Variants in VCPIP1 observed in about 807,000 individuals in gnomAD.
VCPIP1 encodes the protein deubiquitinating protein VCPIP1.
Under a neutral mutation model 85.0 loss-of-function variants are expected in VCPIP1, and 8 were observed. That is an observed-to-expected ratio of 0.09 (90% CI 0.06 to 0.17). VCPIP1 has a LOEUF of 0.17. VCPIP1 is among the 10% of genes least tolerant of loss of function. The probability of loss-of-function intolerance (pLI) is 1.00; values close to 1 mark genes in which losing one functional copy is unlikely to be tolerated. For missense variants in VCPIP1, 1,070 were observed against 1,486.3 expected, an observed-to-expected ratio of 0.72 and a Z score of 4.61; for synonymous variants, 543 against 544.5, an observed-to-expected ratio of 1.00 and a Z score of 0.04.
chr8:66,631,372 T>C lies in VCPIP1; in HGVS notation c.*3129A>G, dbSNP rs900924591. 2 of 154,240 alleles carry C rather than the reference T, an allele frequency of 1.3e-5. No individual in the cohort carries two copies. The highest frequency in any genetic ancestry group is 1.9e-4 in the East Asian group (1 of 5,200). The allele number at this position is 154,240 out of a possible 1,614,324, so 9.6% of individuals were successfully genotyped here. A position where few individuals can be genotyped will look rare whatever the true frequency, so the allele number is the denominator to read the frequency against. On this transcript the variant is annotated 3_prime_UTR_variant, in exon 3 of 3. Coordinates refer to ENST00000310421, the MANE Select transcript of VCPIP1 (RefSeq NM_025054.5). Reference sequence around the variant, plus strand: ...ATTTAGAGAGTTATTCAGTAGCAGATAGTATTGGTAGGTAACTACATAAAA... The same window carrying C: ...ATTTAGAGAGTTATTCAGTAGCAGACAGTATTGGTAGGTAACTACATAAAA...
intron 2 of VCPIP1, among the ~76,000 whole-genome samples, chr8:66,636,892 A>G (rs1170346908): frequency 6.6e-6 from 1 of 152,078 alleles, no homozygotes; most frequent in Non-Finnish European, 1.5e-5. Context: ...GTGATGCCTG[A>G]TATATACAGT....
chr8:66,650,573 T>C (rs1219187620), intron 2 of VCPIP1, among the ~76,000 whole-genome samples: 3 of 152,106 alleles, frequency 2.0e-5, no homozygotes, highest in African/African-American at 7.2e-5. Context: ...GTATGCACAA[T>C]GTGAAAGAAG....
Position 66,666,664 on chromosome 8 carries a change from G to C in VCPIP1, c.295C>G (p.Leu99Val). The C allele has an allele frequency of 6.2e-7, 1 of 1,614,210 alleles. No individual in the cohort carries two copies. Among genetic ancestry groups the C allele is most frequent in the Non-Finnish European group, 8.5e-7 (1 of 1,180,042 alleles). The change falls in exon 1 of 3, where the codon CTG becomes GTG. Residue 99 changes from leucine to valine, a missense_variant. By Grantham distance (32) the Leu-to-Val change is conservative. Coordinates refer to ENST00000310421, the MANE Select transcript of VCPIP1 (RefSeq NM_025054.5). This position sits in a 1 kb window ranked among gnomAD's most constrained non-coding sequence, Gnocchi z 6.3. The stretch of plus-strand genomic sequence containing the variant: ...GTAACCCCGAGCAGCGCGTTCCGCA[G>C]CAGGTTGTGTAGCACTACGTCCGGG... ...TDPDVVLHNL[L>V]RNALLGVTGA...
At chr8:66,659,722 G>A (rs1447309531) in intron 1 of VCPIP1, among the ~76,000 whole-genome samples, 1 of 152,066 alleles carries the variant, frequency 6.6e-6, no homozygotes, top group African/African-American at 2.4e-5. Context: ...TCTGAGCTCA[G>A]GAGTTCGAGA....
rs1410369014 is a variant in VCPIP1, at chr8:66,632,457, AGTT to A, written c.*2041_*2043del. ...TTGCTGTAGCTAGAGAAATTAATAAAGTTGTCAGAGATTAAGTCCATCTTCTAA... is the reference window on the plus strand; with the variant it reads ...TTGCTGTAGCTAGAGAAATTAATAAAGTCAGAGATTAAGTCCATCTTCTAA... On this transcript the variant is annotated 3_prime_UTR_variant, in exon 3 of 3. Transcript: ENST00000310421. 1 of 152,160 alleles carries A rather than the reference AGTT, an allele frequency of 6.6e-6. No individual in the cohort carries two copies. Among genetic ancestry groups the A allele is most frequent in the East Asian group, 1.9e-4 (1 of 5,206 alleles). The allele number at this position is 152,160 out of a possible 1,614,324, so 9.4% of individuals were successfully genotyped here.
At chr8:66,648,196 G>A (rs1381446766) in intron 2 of VCPIP1, among the ~76,000 whole-genome samples, 5 of 152,124 alleles carry the variant, frequency 3.3e-5, no homozygotes, top group Admixed American at 6.6e-5. Flanking sequence ...TTTAAAAAAC[G>A]AAGGAATAAA....
At chr8:66,643,248 G>A (rs1310361815) in intron 2 of VCPIP1, among the ~76,000 whole-genome samples, 8 of 151,914 alleles carry the variant, frequency 5.3e-5, no homozygotes, top group African/African-American at 9.7e-5. Context: ...ACGTCAACTC[G>A]GGAGGTGGAG....
In VCPIP1 at chr8:66,652,010, C is replaced by CAA. The variant is rs113576250; in HGVS notation, c.2711-468_2711-467dup. 1.9e-3 allele frequency among the ~76,000 whole-genome samples: 140 copies of CAA among 73,516 alleles called. 2 individuals carry two copies. The highest frequency in any genetic ancestry group is 5.6e-3 in the African/African-American group (130 of 23,212). The allele number at this position is 73,516 out of a possible 152,430, so 48.2% of individuals were successfully genotyped here. A position where few individuals can be genotyped will look rare whatever the true frequency, so the allele number is the denominator to read the frequency against. ...GCAACATGGCGAAACTCTATCTCTA[C>CAA]AAAAAAAAAAAAAAAAAATAGCTGG... On this transcript the variant is annotated intron_variant, in intron 1 of 2. Transcript: ENST00000310421.
At chr8:66,662,742 C>T (rs539935468) in intron 1 of VCPIP1, among the ~76,000 whole-genome samples, 12 of 150,820 alleles carry the variant, frequency 8.0e-5, no homozygotes, top group East Asian at 2.0e-4. Context: ...AGTGCCGTGG[C>T]GCGATCTAGG....
chr8:66,644,868 C>T lies in VCPIP1; in HGVS notation c.2797+6590G>A, dbSNP rs372046274. Among the ~76,000 whole-genome samples the T allele has an allele frequency of 2.2e-4, 33 of 151,852 alleles. 1 individual carries two copies. In the South Asian group the frequency reaches 6.7e-3, roughly 31 times the overall value. ...ATCCTAGCACTTTGGGAGGCTGAGG[C>T]GGGCGGATTACTTTGAGCTCAGGAG... On this transcript the variant is annotated intron_variant, in intron 2 of 2. Coordinates refer to ENST00000310421, the MANE Select transcript of VCPIP1 (RefSeq NM_025054.5).
intron 2 of VCPIP1, among the ~76,000 whole-genome samples, chr8:66,640,703 A>G (rs556396035): frequency 9.9e-5 from 9 of 91,052 alleles, no homozygotes; most frequent in African/African-American, 8.1e-4. Context: ...CTTCAAAGGG[A>G]TGGCTTGACG....
intron 2 of VCPIP1, among the ~76,000 whole-genome samples, chr8:66,647,014 G>T (rs1486109290): frequency 1.3e-5 from 2 of 151,966 alleles, no homozygotes; most frequent in East Asian, 3.9e-4. Flanking sequence ...AACAGAGCAA[G>T]ACTCTGTCTC....
At chr8:66,641,429 A>G (rs973176711) in intron 2 of VCPIP1, among the ~76,000 whole-genome samples, 3 of 152,010 alleles carry the variant, frequency 2.0e-5, no homozygotes, top group Non-Finnish European at 2.9e-5. Flanking sequence ...GCAGTGTGGT[A>G]GTGCAATCAT....
chr8:66,648,445 T>G (rs890517622), intron 2 of VCPIP1, among the ~76,000 whole-genome samples: 3 of 152,166 alleles, frequency 2.0e-5, no homozygotes, highest in Non-Finnish European at 2.9e-5. Context: ...ATCTAATCTA[T>G]CTAATCTATC....
chr8:66,638,181 T>G (rs1435146923), intron 2 of VCPIP1, among the ~76,000 whole-genome samples: 2 of 151,954 alleles, frequency 1.3e-5, no homozygotes, highest in Non-Finnish European at 2.9e-5. Flanking sequence ...CAGATGTATC[T>G]GAAAAAGTGT....
rs377192740 is a variant in VCPIP1, at chr8:66,666,859, C to T, written c.100G>A (p.Gly34Arg). The T allele has an allele frequency of 9.9e-6, 16 of 1,613,120 alleles. No individual in the cohort carries two copies. The highest frequency in any genetic ancestry group is 1.3e-5 in the Non-Finnish European group (15 of 1,179,908). The change falls in exon 1 of 3, where the codon GGG becomes AGG. Residue 34 changes from glycine (G) to arginine (R), a missense_variant. Coordinates refer to ENST00000310421, the MANE Select transcript of VCPIP1 (RefSeq NM_025054.5). This position sits in a 1 kb window ranked among gnomAD's most constrained non-coding sequence, Gnocchi z 6.3. Reference sequence around the variant, plus strand: ...CGGTCTCTCCGCTTCAAAAGCCCCCCCGAAGCAGCCGCCGACGCCAAGGAC... The same window carrying T: ...CGGTCTCTCCGCTTCAAAAGCCCCCTCGAAGCAGCCGCCGACGCCAAGGAC... ...PSSLASAAAS[G>R]GLLKRRDRRI...
intron 2 of VCPIP1, among the ~76,000 whole-genome samples, chr8:66,641,266 A>C (rs1810945085): frequency 6.6e-6 from 1 of 152,246 alleles, no homozygotes; most frequent in South Asian, 2.1e-4. Context: ...CTTAATGATA[A>C]ATACCACATG....
chr8:66,652,475 G>C (rs899114704), intron 1 of VCPIP1, among the ~76,000 whole-genome samples: 1 of 152,042 alleles, frequency 6.6e-6, no homozygotes, highest in East Asian at 1.9e-4. Flanking sequence ...TTAGCTGAAC[G>C]TGGTGGCGTG....
rs1388015728 is a variant in VCPIP1 at position 66,633,397 on chromosome 8, T to C, written c.*1104A>G. The C allele has an allele frequency of 6.6e-6, 1 of 152,446 alleles. No homozygotes were observed. The highest frequency in any genetic ancestry group is 2.4e-5 in the African/African-American group (1 of 41,418). 9.4% of individuals were successfully genotyped at this position (152,446 alleles called of 1,614,324 possible). A position where few individuals can be genotyped will look rare whatever the true frequency, so the allele number is the denominator to read the frequency against. ...GCAATACCAATCTCAGGATAAACAC[T>C]CTTCTGTTGTTTTTAAGGAATAAGC... On this transcript the variant is annotated 3_prime_UTR_variant, in exon 3 of 3. Transcript: ENST00000310421.
Sources: allele counts gnomAD v4.1 joint callset (sites outside exome capture counted in the v4.1 genomes callset), GRCh38; gene constraint gnomAD v4.1.1; non-coding constraint Gnocchi (gnomAD v3.1); transcripts MANE v1.5; gene names NCBI Gene and HGNC (gene_info 2026-07-23, HGNC 2026-07-21).